Variants in ZNRF1 observed in about 807,000 individuals in gnomAD.
ZNRF1 encodes the protein E3 ubiquitin-protein ligase ZNRF1.
ZNRF1 carries 3 observed loss-of-function variants against 18.4 expected under a neutral mutation model. The observed-to-expected ratio is 0.16, with a 90% confidence interval of 0.07 to 0.42. The LOEUF is 0.42. Ranked by LOEUF, ZNRF1 falls within the 10% of genes least tolerant of loss-of-function variation. The pLI is 0.99. For missense variants in ZNRF1, 310 were observed against 329.8 expected (o/e 0.94, Z 0.47); for synonymous variants, 157 against 144.2 (o/e 1.09, Z -0.64).
At chr16:75,028,274 G>A (rs1165818506) in intron 1 of ZNRF1, among the ~76,000 whole-genome samples, 1 of 152,142 alleles carries the variant, frequency 6.6e-6, no homozygotes, top group African/African-American at 2.4e-5. Flanking sequence ...ACAGATACTA[G>A]TCCATTCTGG....
At chr16:75,106,134 C>T (rs529978110) in intron 3 of ZNRF1, 48 of 247,124 alleles carry the variant, frequency 1.9e-4, no homozygotes, top group Middle Eastern at 3.1e-3. Context: ...GACTAGCTGC[C>T]CTGAGGGGTC....
At chr16:75,016,640 A>C (rs956812911) in intron 1 of ZNRF1, among the ~76,000 whole-genome samples, 2 of 150,418 alleles carry the variant, frequency 1.3e-5, no homozygotes, top group African/African-American at 4.9e-5. Flanking sequence ...GGTTCAAGCA[A>C]TTCTCATGCC....
At chr16:75,044,868 A>G (rs949160740) in intron 1 of ZNRF1, among the ~76,000 whole-genome samples, 3 of 152,258 alleles carry the variant, frequency 2.0e-5, no homozygotes, top group Admixed American at 2.0e-4. Context: ...GTTATTTAAT[A>G]TAATTCCCTA....
chr16:75,062,118 T>A (rs2035751494), intron 1 of ZNRF1, among the ~76,000 whole-genome samples: 1 of 152,238 alleles, frequency 6.6e-6, no homozygotes, highest in Non-Finnish European at 1.5e-5. Flanking sequence ...AGCAAATGGT[T>A]GTTCAGTCAC....
At chr16:75,065,830 A>G (rs1413067829) in intron 1 of ZNRF1, among the ~76,000 whole-genome samples, 1 of 152,138 alleles carries the variant, frequency 6.6e-6, no homozygotes, top group Admixed American at 6.5e-5. Context: ...CCTCCTGTGG[A>G]CACTCCACCA....
intron 1 of ZNRF1, among the ~76,000 whole-genome samples, chr16:75,077,189 G>A (rs555823649): frequency 6.6e-6 from 1 of 152,240 alleles, no homozygotes; most frequent in African/African-American, 2.4e-5. Context: ...TCAGGAGATC[G>A]AGACCGTCCT....
intron 1 of ZNRF1, among the ~76,000 whole-genome samples, chr16:75,022,313 C>T (rs1177447186): frequency 6.6e-6 from 1 of 151,430 alleles, no homozygotes; most frequent in Admixed American, 6.6e-5. Flanking sequence ...CCTGTAATCC[C>T]AGCACTTTGG....
At chr16:75,079,173 G>A (rs2035980101) in intron 1 of ZNRF1, among the ~76,000 whole-genome samples, 1 of 152,090 alleles carries the variant, frequency 6.6e-6, no homozygotes. Context: ...TTTCTGTCTG[G>A]AGAGTCTCTA....
chr16:75,106,467 G>T lies in ZNRF1; in HGVS notation c.627-15G>T, dbSNP rs2036317203. On this transcript the variant is annotated splice_polypyrimidine_tract_variant and intron_variant, in intron 3 of 4. Coordinates refer to ENST00000335325, the MANE Select transcript of ZNRF1 (RefSeq NM_032268.5). ...AGCAGGTAACGTGGTTTCCCTTGCG[G>T]CCCCCTCCTCCCAGCTGCATAGACT... 1 of 1,613,888 alleles carries T rather than the reference G, an allele frequency of 6.2e-7. No homozygotes were observed. Among genetic ancestry groups the T allele is most frequent in the Non-Finnish European group, 8.5e-7 (1 of 1,179,994 alleles).
intron 4 of ZNRF1, chr16:75,106,991 A>C (rs931837594): frequency 5.1e-5 from 10 of 195,096 alleles, no homozygotes; most frequent in African/African-American, 2.3e-4. Flanking sequence ...CCCTGTTGCC[A>C]TAAGGACATT....
intron 2 of ZNRF1, among the ~76,000 whole-genome samples, chr16:75,102,799 T>G (rs1028418253): frequency 2.0e-5 from 3 of 152,164 alleles, no homozygotes; most frequent in African/African-American, 7.2e-5. Flanking sequence ...AATCCGTCCC[T>G]TCCTTCTCAT....
chr16:75,041,789 C>T (rs1325948800), intron 1 of ZNRF1, among the ~76,000 whole-genome samples: 2 of 150,870 alleles, frequency 1.3e-5, no homozygotes, highest in East Asian at 3.9e-4. Context: ...TCGAGACCAG[C>T]CTGGCCAACA....
At chr16:75,072,460 A>C (rs961054009) in intron 1 of ZNRF1, among the ~76,000 whole-genome samples, 2 of 151,992 alleles carry the variant, frequency 1.3e-5, no homozygotes, top group African/African-American at 4.8e-5. Context: ...ACTTGTCTGG[A>C]TCCCTCATCA....
chr16:75,086,428 A>C (rs906371675), intron 1 of ZNRF1, among the ~76,000 whole-genome samples: 1 of 152,216 alleles, frequency 6.6e-6, no homozygotes, highest in Non-Finnish European at 1.5e-5. Flanking sequence ...AAGAGGCAAA[A>C]GCCAGAATTC....
chr16:75,054,181 A>G (rs991384392), intron 1 of ZNRF1, among the ~76,000 whole-genome samples: 12 of 152,210 alleles, frequency 7.9e-5, no homozygotes, highest in Non-Finnish European at 1.5e-4. Context: ...CTGTGTTTCA[A>G]CAAGCAAAGT....
intron 1 of ZNRF1, among the ~76,000 whole-genome samples, chr16:75,036,543 T>G (rs778372188): frequency 4.6e-5 from 7 of 151,924 alleles, no homozygotes; most frequent in Non-Finnish European, 1.0e-4. Flanking sequence ...CTTATTTGTT[T>G]CCTATCCAAT....
chr16:75,026,934 C>T (rs2035232433), intron 1 of ZNRF1, among the ~76,000 whole-genome samples: 1 of 150,792 alleles, frequency 6.6e-6, no homozygotes, highest in Admixed American at 6.6e-5. Flanking sequence ...AAAAGAATAT[C>T]ACTAATAACA....
At chr16:75,020,977 A>G (rs2035139928) in intron 1 of ZNRF1, among the ~76,000 whole-genome samples, 3 of 152,182 alleles carry the variant, frequency 2.0e-5, no homozygotes, top group Admixed American at 1.3e-4. Flanking sequence ...CTCTTCCCAA[A>G]TAGAAATCCA....
chr16:75,022,104 G>A (rs2035158428), intron 1 of ZNRF1, among the ~76,000 whole-genome samples: 1 of 152,106 alleles, frequency 6.6e-6, no homozygotes. Context: ...GCTCACGCTG[G>A]AGTGGGCTGG....
Sources: allele counts gnomAD v4.1 joint callset (sites outside exome capture counted in the v4.1 genomes callset), GRCh38; gene constraint gnomAD v4.1.1; transcripts MANE v1.5; gene names NCBI Gene and HGNC (gene_info 2026-07-23, HGNC 2026-07-21).